CLVS1: variants seen among roughly 807,000 people sequenced by gnomAD.
CLVS1 encodes the protein clavesin 1, also known as clavesin-1.
In CLVS1, 10 loss-of-function variants were observed where a neutral mutation model predicts 33.1. That is an observed-to-expected ratio of 0.30 (90% CI 0.19 to 0.51). The LOEUF (loss-of-function observed/expected upper bound fraction) is 0.51, where lower values mean the gene tolerates loss of function less well. Ranked by LOEUF, CLVS1 falls within the 20% of genes least tolerant of loss-of-function variation. The pLI, the probability that CLVS1 is intolerant of heterozygous loss-of-function variation, is 0.97. For synonymous variants in CLVS1, 163 were observed against 166.1 expected (o/e 0.98, Z 0.14); for missense variants, 343 against 433.4 (o/e 0.79, Z 1.85).
At chr8:61,442,743 G>T (rs1056853306) in intron 3 of CLVS1, among the ~76,000 whole-genome samples, 1 of 152,060 alleles carries the variant, frequency 6.6e-6, no homozygotes, top group Non-Finnish European at 1.5e-5. Flanking sequence ...GGGATTACAG[G>T]CACACGCCAC....
At chr8:61,273,661 C>A (rs915668002) in intron 2 of CLVS1, among the ~76,000 whole-genome samples, 7 of 152,216 alleles carry the variant, frequency 4.6e-5, no homozygotes, top group African/African-American at 9.6e-5. Flanking sequence ...GGCGTAGGAC[C>A]CTCCGAGCCA....
In CLVS1 at chr8:61,318,180, C is replaced by T. The variant is rs80262691; in HGVS notation, c.455+17898C>T. ...ATTGCATTCTGTTTGCTTTAGAAAG[C>T]GTGTTGTCAGTCTAATTGCTGTTTC... On this transcript the variant is annotated intron_variant, in intron 2 of 5. Coordinates refer to ENST00000325897, the MANE Select transcript of CLVS1 (RefSeq NM_173519.3). 4.6e-5 allele frequency among the ~76,000 whole-genome samples: 7 copies of T among 152,212 alleles called. No individual in the cohort carries two copies. The East Asian group carries it at 1.4e-3, about 29-fold the overall frequency.
At position 61,088,286 on chromosome 8, in the gene CLVS1, C is replaced by T. The variant is rs193265633; in HGVS notation, c.-243+31056C>T. Among the ~76,000 whole-genome samples, 17 of 152,148 alleles carry T rather than the reference C, an allele frequency of 1.1e-4. No individual in the cohort carries two copies. The East Asian group carries it at 2.3e-3, about 21-fold the overall frequency. ...GGCAGATCACTTGAGGTCAGGAGTT[C>T]GAGACCAGCCTGGCCAACATGGTGA... is the stretch of plus-strand genomic sequence containing the variant. On this transcript the variant is annotated intron_variant, in intron 1 of 2. Transcript: ENST00000522621.
chr8:61,108,967 G>A (rs1805584036), intron 1 of CLVS1, among the ~76,000 whole-genome samples: 1 of 152,222 alleles, frequency 6.6e-6, no homozygotes, highest in Non-Finnish European at 1.5e-5. Flanking sequence ...TTGGCCAGAT[G>A]CCAGATGGAG....
chr8:61,082,576 T>A (rs1805041608), intron 1 of CLVS1, among the ~76,000 whole-genome samples: 2 of 151,838 alleles, frequency 1.3e-5, no homozygotes, highest in Non-Finnish European at 1.5e-5. Flanking sequence ...AACAGAAAAA[T>A]CTTGAAAGAA....
At chr8:61,082,661 A>G (rs1805042918) in intron 1 of CLVS1, among the ~76,000 whole-genome samples, 1 of 152,212 alleles carries the variant, frequency 6.6e-6, no homozygotes, top group African/African-American at 2.4e-5. Context: ...TTCAGAACCC[A>G]TGTATGTGAG....
Position 61,215,918 on chromosome 8 carries a change from T to C in CLVS1, c.-151-83759T>C, listed in dbSNP as rs1215933996. On this transcript the variant is annotated intron_variant, in intron 2 of 2. Coordinates refer to the CLVS1 transcript ENST00000522621. ...CTGGGTCATTCCACCCCTTGTTCAATCCATTTCTTGGATCCTTTCCAAGGT... is the reference window on the plus strand; with the variant it reads ...CTGGGTCATTCCACCCCTTGTTCAACCCATTTCTTGGATCCTTTCCAAGGT... Among the ~76,000 whole-genome samples, 3 of 152,218 alleles carry C rather than the reference T, an allele frequency of 2.0e-5. No individual in the cohort carries two copies. In the East Asian group the frequency reaches 5.8e-4, roughly 29 times the overall value.
chr8:61,498,430 G>GTAAGT (rs1413326330), intron 5 of CLVS1, among the ~76,000 whole-genome samples: 1 of 152,158 alleles, frequency 6.6e-6, no homozygotes, highest in African/African-American at 2.4e-5. Context: ...GCACATATAT[G>GTAAGT]TAAGTTTTAC....
chr8:61,183,095 A>G (rs943896587), intron 2 of CLVS1, among the ~76,000 whole-genome samples: 1 of 149,380 alleles, frequency 6.7e-6, no homozygotes, highest in East Asian at 1.9e-4. Flanking sequence ...GAGTTGAACA[A>G]TGAGAACACA....
At chr8:61,088,400 G>A (rs536776026) in intron 1 of CLVS1, among the ~76,000 whole-genome samples, 1 of 146,356 alleles carries the variant, frequency 6.8e-6, no homozygotes, top group Non-Finnish European at 1.5e-5. Context: ...TGAGGCAGGA[G>A]AATCACTTGA....
chr8:61,197,972 C>T (rs952025057), intron 2 of CLVS1, among the ~76,000 whole-genome samples: 2 of 152,220 alleles, frequency 1.3e-5, no homozygotes, highest in African/African-American at 4.8e-5. Context: ...ATCTGCAATT[C>T]AATGCAGTCT....
At chr8:61,333,382 T>C (rs1048123726) in intron 2 of CLVS1, among the ~76,000 whole-genome samples, 2 of 152,086 alleles carry the variant, frequency 1.3e-5, no homozygotes, top group African/African-American at 4.8e-5. Context: ...TAGGGTCCTA[T>C]AAAGATTTCA....
chr8:61,228,224 C>A (rs1808369454), intron 2 of CLVS1, among the ~76,000 whole-genome samples: 1 of 151,958 alleles, frequency 6.6e-6, no homozygotes, highest in East Asian at 1.9e-4. Context: ...TTATAGTAGA[C>A]AATATGCTTT....
At chr8:61,015,469 G>A in the CLVS1 span, among the ~76,000 whole-genome samples, 7 of 152,194 alleles carry the variant, frequency 4.6e-5, no homozygotes, top group African/African-American at 1.4e-4. Flanking sequence ...AATGTGACTT[G>A]CACAGTGTGT....
rs571703928 is a variant in CLVS1, at chr8:61,177,890, A to C, written c.-152+46030A>C. Among the ~76,000 whole-genome samples, 156 of 152,184 alleles carry C rather than the reference A, an allele frequency of 1.0e-3. 2 individuals carry two copies. Among genetic ancestry groups the C allele is most frequent in the African/African-American group, 3.7e-3 (152 of 41,514 alleles). ...AGACAAACTCTTGAAGATGAGAAAG[A>C]ATCAATGAAAAAATGCTGAAAACCC... is the stretch of plus-strand genomic sequence containing the variant. On this transcript the variant is annotated intron_variant, in intron 2 of 2. Coordinates refer to the CLVS1 transcript ENST00000522621.
chr8:61,059,499 T>TATATACATATATATATATAC (rs1265187479), intron 1 of CLVS1, among the ~76,000 whole-genome samples: 1 of 96,352 alleles, frequency 1.0e-5, no homozygotes, highest in East Asian at 5.5e-4. Flanking sequence ...TATATATATA[T>TATATACATATATATATATAC]ACACATATCT....
At chr8:61,247,396 T>C (rs1027963570) in intron 2 of CLVS1, among the ~76,000 whole-genome samples, 2 of 152,174 alleles carry the variant, frequency 1.3e-5, no homozygotes, top group Non-Finnish European at 2.9e-5. Flanking sequence ...CAATAGTTGA[T>C]TTAATTTACA....
Position 61,500,739 on chromosome 8 carries a change from A to G in CLVS1, c.*1197A>G, listed in dbSNP as rs1804715489. Reference sequence around the variant, plus strand: ...TTATTCGCCCAGCCATCTGCATGACATGGGTATTTATTAGTATTACCAGTT... The same window carrying G: ...TTATTCGCCCAGCCATCTGCATGACGTGGGTATTTATTAGTATTACCAGTT... On this transcript the variant is annotated 3_prime_UTR_variant, in exon 6 of 6. Coordinates refer to ENST00000325897, the MANE Select transcript of CLVS1 (RefSeq NM_173519.3). 6.6e-6 allele frequency: 1 copy of G among 152,234 alleles called. No homozygotes were observed. Among genetic ancestry groups the G allele is most frequent in the African/African-American group, 2.4e-5 (1 of 41,468 alleles). 9.4% of individuals were successfully genotyped at this position (152,234 alleles called of 1,614,324 possible).
intron 2 of CLVS1, among the ~76,000 whole-genome samples, chr8:61,168,385 T>TCA (rs1215778654): frequency 6.6e-6 from 1 of 152,242 alleles, no homozygotes; most frequent in Non-Finnish European, 1.5e-5. Context: ...GCCTAATCAG[T>TCA]CACTAGTCTT....
Sources: allele counts gnomAD v4.1 joint callset (sites outside exome capture counted in the v4.1 genomes callset), GRCh38; gene constraint gnomAD v4.1.1; transcripts MANE v1.5; gene names NCBI Gene and HGNC (gene_info 2026-07-23, HGNC 2026-07-21).